ZC3H18: variants seen among roughly 807,000 people sequenced by gnomAD.
The protein encoded by ZC3H18 is zinc finger CCCH domain-containing protein 18.
In ZC3H18, 8 loss-of-function variants were observed where a neutral mutation model predicts 106.1. The observed-to-expected ratio is 0.08, with a 90% CI of 0.04 to 0.14. The LOEUF is 0.14. Among genes scored for constraint, ZC3H18 ranks in the 10% least tolerant of loss-of-function variants. The probability of loss-of-function intolerance (pLI) is 1.00; values close to 1 mark genes in which losing one functional copy is unlikely to be tolerated. For missense variants in ZC3H18, 1,318 were observed against 1,278.4 expected, an observed-to-expected ratio of 1.03 and a Z score of -0.47; for synonymous variants, 635 against 522.1, an observed-to-expected ratio of 1.22 and a Z score of -2.95.
intron 1 of ZC3H18, among the ~76,000 whole-genome samples, chr16:88,570,828 C>T (rs982880466): frequency 3.3e-5 from 5 of 152,176 alleles, no homozygotes; most frequent in African/African-American, 1.2e-4. Context: ...GCTGCCTCCG[C>T]GCCCCGCGGC....
At chr16:88,588,615 A>T (rs572866194) in intron 3 of ZC3H18, among the ~76,000 whole-genome samples, 2 of 152,322 alleles carry the variant, frequency 1.3e-5, no homozygotes, top group South Asian at 4.1e-4. Context: ...TAGACTAAGT[A>T]CTGAGTTTGG....
At chr16:88,611,620 C>T (rs1287777042) in intron 8 of ZC3H18, 84 bp downstream of exon 8, 1 of 1,484,536 alleles carries the variant, frequency 6.7e-7, no homozygotes, top group Non-Finnish European at 9.0e-7. Flanking sequence ...CTGCGCTTCC[C>T]CTCTGTGGCC....
In ZC3H18 at chr16:88,627,659, G is replaced by A. The variant is rs1410273655; in HGVS notation, c.2146G>A (p.Ala716Thr). The A allele has an allele frequency of 1.9e-6, 3 of 1,612,490 alleles. No homozygotes were observed. The highest frequency in any genetic ancestry group is 1.1e-5 in the South Asian group (1 of 91,070). ...GAGCAGCGTCTCCTCAGTGTCCAGTGCTACGTCGAGCAGCAGCTCTGCACA... is the reference window on the plus strand; with the variant it reads ...GAGCAGCGTCTCCTCAGTGTCCAGTACTACGTCGAGCAGCAGCTCTGCACA... Reference protein sequence around the residue: ...SVSSVSSVSSATSSSSSAHSV... With the variant: ...SVSSVSSVSSTTSSSSSAHSV... Residue 716 changes from alanine (A) to threonine (T), a missense_variant, in exon 14 of 18, where the codon GCT (alanine) becomes ACT (threonine). Physicochemically the swap from Ala to Thr is moderately conservative, Grantham distance 58. Coordinates refer to ENST00000301011, the MANE Select transcript of ZC3H18 (RefSeq NM_144604.4). This position sits in a 1 kb window ranked among gnomAD's most constrained non-coding sequence, Gnocchi z 4.5.
intron 8 of ZC3H18, among the ~76,000 whole-genome samples, chr16:88,619,073 C>T (rs1905798135): frequency 6.6e-6 from 1 of 152,178 alleles, no homozygotes; most frequent in Non-Finnish European, 1.5e-5. Flanking sequence ...GCACATGCCT[C>T]GGTTCCCTGG....
At chr16:88,582,382 G>A (rs1002704432) in intron 2 of ZC3H18, among the ~76,000 whole-genome samples, 7 of 151,754 alleles carry the variant, frequency 4.6e-5, no homozygotes, top group East Asian at 1.9e-4. Context: ...CCGCCACCAC[G>A]GCCAGCTGAT....
intron 8 of ZC3H18, 27 bp from the exon 9 acceptor site, chr16:88,622,170 G>C: frequency 6.3e-7 from 1 of 1,592,856 alleles, no homozygotes. Context: ...GGTGGCCTGA[G>C]AGTTGCTAAT....
At chr16:88,576,985 A>G in intron 1 of ZC3H18, 125 bp from the exon 2 acceptor site, 1 of 922,896 alleles carries the variant, frequency 1.1e-6, no homozygotes. Context: ...GGAGTGTGGG[A>G]TTTGGGGCAG....
intron 8 of ZC3H18, among the ~76,000 whole-genome samples, chr16:88,617,056 G>A (rs139096304): frequency 5.5e-4 from 83 of 152,266 alleles, no homozygotes; most frequent in South Asian, 2.1e-3. Context: ...GGCCTCCCCC[G>A]GGAAGGATAA....
intron 3 of ZC3H18, 86 bp downstream of exon 3, chr16:88,586,770 T>C: frequency 9.4e-7 from 1 of 1,068,998 alleles, no homozygotes; most frequent in Middle Eastern, 2.3e-4. Context: ...TGCCAGGCCC[T>C]GCTCTGCTCA....
rs985678850 is a variant in ZC3H18 at position 88,631,412 on chromosome 16, GAA to G, written c.*120_*121del. 2.9e-5 allele frequency: 40 copies of G among 1,386,936 alleles called. 1 individual carries two copies. In the South Asian group the frequency reaches 4.1e-4, roughly 14 times the overall value. 85.9% of individuals were successfully genotyped at this position (1,386,936 alleles called of 1,614,324 possible). ...GTGATTCTTTTTAAAAAGTAAAAAA[GAA>G]AAAAAAGTTTCTCAGCTGGAAAAGA... is the stretch of plus-strand genomic sequence containing the variant. On this transcript the variant is annotated 3_prime_UTR_variant, in exon 18 of 18. Transcript: ENST00000301011.
intron 3 of ZC3H18, among the ~76,000 whole-genome samples, chr16:88,593,874 A>T (rs1305260502): frequency 6.6e-6 from 1 of 152,214 alleles, no homozygotes; most frequent in Non-Finnish European, 1.5e-5. Flanking sequence ...TCAGGTGACC[A>T]TTGCAGGATG....
intron 17 of ZC3H18, 77 bp from the exon 18 acceptor site, chr16:88,631,024 G>T: frequency 1.9e-6 from 3 of 1,574,166 alleles, no homozygotes; most frequent in East Asian, 2.2e-5. Flanking sequence ...CAGTGGAAGC[G>T]CCCCTACGGG....
At chr16:88,586,130 A>C (rs1230414099) in intron 2 of ZC3H18, among the ~76,000 whole-genome samples, 4 of 152,114 alleles carry the variant, frequency 2.6e-5, no homozygotes, top group Non-Finnish European at 5.9e-5. Context: ...GTTGAGGATG[A>C]GCCTCAAGGC....
intron 2 of ZC3H18, among the ~76,000 whole-genome samples, chr16:88,582,765 C>T (rs986156958): frequency 1.3e-5 from 2 of 152,178 alleles, no homozygotes; most frequent in African/African-American, 4.8e-5. Flanking sequence ...CTCAGAAGCT[C>T]TGAGAACTGA....
chr16:88,591,816 C>T (rs915610781), intron 3 of ZC3H18, among the ~76,000 whole-genome samples: 13 of 151,538 alleles, frequency 8.6e-5, no homozygotes, highest in African/African-American at 2.7e-4. Flanking sequence ...CTGCTGGCAG[C>T]GGAGTTTCTG....
chr16:88,589,984 C>T (rs915878787), intron 3 of ZC3H18, among the ~76,000 whole-genome samples: 2 of 152,160 alleles, frequency 1.3e-5, no homozygotes, highest in African/African-American at 2.4e-5. Flanking sequence ...AAATTCTTTT[C>T]TTAGAAAAAA....
In ZC3H18 at chr16:88,622,248, G is replaced by A. The variant is rs1296200504; in HGVS notation, c.1527G>A (p.Val509=). ...KKEAATTGPQ[V]KRADEWKDPW... The stretch of plus-strand genomic sequence containing the variant: ...AGGCTGCCACCACGGGGCCGCAGGT[G>A]AAGAGAGCAGATGAGTGGAAGGACC... The change falls in exon 9 of 18, where the codon GTG becomes GTA. Residue 509 remains valine (V), a synonymous_variant. Transcript: ENST00000301011. 7 of 1,614,052 alleles carry A rather than the reference G, an allele frequency of 4.3e-6. No individual in the cohort carries two copies. Among genetic ancestry groups the A allele is most frequent in the Admixed American group, 1.7e-5 (1 of 60,018 alleles).
In ZC3H18 at chr16:88,611,284, G is replaced by C; in HGVS notation, c.1223G>C (p.Arg408Pro). 1 of 742,426 alleles carries C rather than the reference G, an allele frequency of 1.3e-6. No individual in the cohort carries two copies. The highest frequency in any genetic ancestry group is 2.5e-6 in the Non-Finnish European group (1 of 397,288). 46.0% of individuals were successfully genotyped at this position (742,426 alleles called of 1,614,324 possible). A position where few individuals can be genotyped will look rare whatever the true frequency, so the allele number is the denominator to read the frequency against. Residue 408 changes from arginine (R) to proline (P), a missense_variant, in exon 8 of 18, where the codon CGA becomes CCA. Arg to Pro is a moderately radical substitution (Grantham distance 103). Coordinates refer to ENST00000301011, the MANE Select transcript of ZC3H18 (RefSeq NM_144604.4). ...YHNYRERERE[R>P]ERENRQRERE... ...TTAACAAAGGAAAGGGAGCGGGAGCGAGAGAGAGAGAACAGACAGCGCGAG... is the reference window on the plus strand; with the variant it reads ...TTAACAAAGGAAAGGGAGCGGGAGCCAGAGAGAGAGAACAGACAGCGCGAG...
chr16:88,577,141 C>A lies in ZC3H18; in HGVS notation c.18C>A (p.Ser6Arg). 1 of 1,567,302 alleles carries A rather than the reference C, an allele frequency of 6.4e-7. No homozygotes were observed. Among genetic ancestry groups the A allele is most frequent in the South Asian group, 1.2e-5 (1 of 84,650 alleles). The change falls in exon 2 of 18, where the codon AGC (serine) becomes AGA (arginine). Residue 6 changes from serine (S) to arginine (R), a missense_variant. Physicochemically the swap from Ser to Arg is moderately radical, Grantham distance 110 (BLOSUM62 -1). Around this residue, in one of 6 missense-constraint regions of ZC3H18, gnomAD observed 346 missense variants for 269.0 expected, o/e 1.29. Coordinates refer to ENST00000301011, the MANE Select transcript of ZC3H18 (RefSeq NM_144604.4). The part of the protein sequence containing the change: MDVAE[S>R]PERDPHSPED... ...GGGTACCGATGGATGTGGCCGAGAGCCCTGAACGGGATCCTCACTCTCCAG... is the reference window on the plus strand; with the variant it reads ...GGGTACCGATGGATGTGGCCGAGAGACCTGAACGGGATCCTCACTCTCCAG...
Sources: gnomAD v4.1 joint callset for allele counts (sites outside exome capture counted in the v4.1 genomes callset) on GRCh38, gnomAD v4.1.1 for gene constraint, gnomAD v4.1.1 regional missense constraint, Gnocchi (gnomAD v3.1) non-coding constraint, MANE v1.5 for transcripts, NCBI Gene and HGNC (gene_info 2026-07-23, HGNC 2026-07-21) for gene names.